The following APLP2 variants were observed in gnomAD, a reference collection of about 807,000 sequenced individuals.
APLP2 encodes CDEI box-binding protein.
In APLP2, 53 loss-of-function variants were observed where a neutral mutation model predicts 89.9. The ratio of observed to expected loss-of-function variants is 0.59; its 90% CI spans 0.47 to 0.74. The LOEUF (loss-of-function observed/expected upper bound fraction) is 0.74. Ranked by LOEUF, APLP2 falls within the 30% of genes least tolerant of loss-of-function variation. The pLI is 0.00. For missense variants in APLP2, 973 were observed against 975.9 expected, an observed-to-expected ratio of 1.00 and a Z score of 0.04; for synonymous variants, 372 against 348.6, an observed-to-expected ratio of 1.07 and a Z score of -0.75.
At chr11:130,137,038 T>G (rs1443648879) in intron 13 of APLP2, among the ~76,000 whole-genome samples, 1 of 152,150 alleles carries the variant, frequency 6.6e-6, no homozygotes, top group African/African-American at 2.4e-5. Flanking sequence ...CAGACCTACT[T>G]TTTTCTCTCT....
chr11:130,128,702 G>C (rs1368971565), intron 9 of APLP2, among the ~76,000 whole-genome samples: 1 of 152,228 alleles, frequency 6.6e-6, no homozygotes, highest in Non-Finnish European at 1.5e-5. Flanking sequence ...TTGGAAGTTA[G>C]TGCCTTGCTG....
At chr11:130,103,184 T>C (rs1947165295) in intron 1 of APLP2, among the ~76,000 whole-genome samples, 1 of 152,224 alleles carries the variant, frequency 6.6e-6, no homozygotes, top group African/African-American at 2.4e-5. Flanking sequence ...ATTTTCAAGG[T>C]AGAAGTACAA....
At chr11:130,091,035 C>T (rs866217019) in intron 1 of APLP2, among the ~76,000 whole-genome samples, 16 of 118,716 alleles carry the variant, frequency 1.3e-4, no homozygotes, top group African/African-American at 5.4e-4. Context: ...GCTGGCCGGG[C>T]GGGGGGCCGA....
At chr11:130,101,734 C>CAAAA (rs914140839) in intron 1 of APLP2, among the ~76,000 whole-genome samples, 1 of 152,210 alleles carries the variant, frequency 6.6e-6, no homozygotes, top group African/African-American at 2.4e-5. Flanking sequence ...AACCCTGTTT[C>CAAAA]CCTTAATGTT....
chr11:130,112,201 G>A (rs980920080), intron 3 of APLP2, among the ~76,000 whole-genome samples: 7 of 152,228 alleles, frequency 4.6e-5, no homozygotes, highest in African/African-American at 1.7e-4. Context: ...CAAGGGAAAT[G>A]TAATGACATC....
Position 130,123,567 on chromosome 11 carries a change from C to G in APLP2, c.923-45C>G, listed in dbSNP as rs539623328. ...GCCTGTAGCATTTTGAAGCATTTGA[C>G]GTCACTGCCTCTGTCCTGCTGACAC... On this transcript the variant is annotated intron_variant, in intron 6 of 16. Coordinates refer to ENST00000338167, the MANE Select transcript of APLP2 (RefSeq NM_001142276.2). This position sits in a 1 kb window ranked among gnomAD's most constrained non-coding sequence, Gnocchi z 4.0. The G allele has an allele frequency of 2.5e-6, 4 of 1,574,382 alleles. No individual in the cohort carries two copies. Among genetic ancestry groups the G allele is most frequent in the Non-Finnish European group, 3.5e-6 (4 of 1,158,018 alleles).
In APLP2 at chr11:130,141,896, TCCACG is replaced by T; in HGVS notation, c.1999-22_1999-18del. 6.3e-7 allele frequency: 1 copy of T among 1,583,950 alleles called. No individual in the cohort carries two copies. The highest frequency in any genetic ancestry group is 8.6e-7 in the Non-Finnish European group (1 of 1,157,988). On this transcript the variant is annotated intron_variant, in intron 15 of 16. Coordinates refer to ENST00000338167, the MANE Select transcript of APLP2 (RefSeq NM_001142276.2). This position sits in a 1 kb window ranked among gnomAD's most constrained non-coding sequence, Gnocchi z 4.2. The stretch of plus-strand genomic sequence containing the variant: ...TGCCAGATGGTCACTGGGACTTTTT[TCCACG>T]TCTGCTTTATTACGTAGGAATCCGT...
chr11:130,097,601 G>GTGGGAGGAT (rs1297255336), intron 1 of APLP2, among the ~76,000 whole-genome samples: 1 of 152,174 alleles, frequency 6.6e-6, no homozygotes, highest in East Asian at 1.9e-4. Flanking sequence ...TGGGGCTGAG[G>GTGGGAGGAT]TGGGAGGATT....
chr11:130,106,939 G>C (rs1280924048), intron 1 of APLP2, among the ~76,000 whole-genome samples: 1 of 152,120 alleles, frequency 6.6e-6, no homozygotes, highest in African/African-American at 2.4e-5. Context: ...TGCCTGCCTT[G>C]GCCTCCCAAA....
Position 130,123,891 on chromosome 11 carries a change from T to G in APLP2, c.1090+112T>G. 8.1e-7 allele frequency: 1 copy of G among 1,231,798 alleles called. No individual in the cohort carries two copies. The highest frequency in any genetic ancestry group is 1.4e-5 in the South Asian group (1 of 71,512). The allele number at this position is 1,231,798 out of a possible 1,614,324, so 76.3% of individuals were successfully genotyped here. On this transcript the variant is annotated intron_variant, in intron 7 of 16. Transcript: ENST00000338167. The surrounding 1 kb of genome is among the most constrained non-coding windows in gnomAD (Gnocchi z 4.0). ...TGGTGTCCCTGCCCACTCGGGTGTT[T>G]GCTGTCGGTCGTCTTCCCCTCATCT...
chr11:130,110,207 G>A (rs1380692645), intron 2 of APLP2, among the ~76,000 whole-genome samples: 2 of 152,156 alleles, frequency 1.3e-5, no homozygotes, highest in Non-Finnish European at 2.9e-5. Context: ...CTTGCCTCAC[G>A]GAGCCATCAG....
chr11:130,080,017 C>G (rs1006916869), intron 1 of APLP2, among the ~76,000 whole-genome samples: 1 of 152,078 alleles, frequency 6.6e-6, no homozygotes, highest in Non-Finnish European at 1.5e-5. Flanking sequence ...ATGTAGGAAA[C>G]TTTGCATTCC....
At chr11:130,133,376 C>T (rs767954420) in intron 11 of APLP2, among the ~76,000 whole-genome samples, 6 of 152,130 alleles carry the variant, frequency 3.9e-5, no homozygotes, top group Non-Finnish European at 8.8e-5. Context: ...TGCTGTCTCA[C>T]CCTCCCAAAG....
Position 130,143,348 on chromosome 11 carries a change from T to A in APLP2, c.2156T>A (p.Val719Asp). Residue 719 changes from valine to aspartate, a missense_variant and splice_region_variant, in exon 17 of 17, where the codon GTT becomes GAT. Coordinates refer to ENST00000338167, the MANE Select transcript of APLP2 (RefSeq NM_001142276.2). Reference sequence around the variant, plus strand: ...GACCCTCAGGTTTTGTTCTTCCAGGTTGATCCAATGCTCACCCCAGAAGAG... The same window carrying A: ...GACCCTCAGGTTTTGTTCTTCCAGGATGATCCAATGCTCACCCCAGAAGAG... ...YGTISHGIVEVDPMLTPEERH... is the reference protein window; with the variant it reads ...YGTISHGIVEDDPMLTPEERH... The A allele has an allele frequency of 6.2e-7, 1 of 1,613,812 alleles. No individual in the cohort carries two copies. The highest frequency in any genetic ancestry group is 8.5e-7 in the Non-Finnish European group (1 of 1,179,852).
Position 130,143,371 on chromosome 11 carries a change from G to A in APLP2, c.2179G>A (p.Glu727Lys), listed in dbSNP as rs1193836270. Residue 727 changes from glutamate (E) to lysine (K), a missense_variant, in exon 17 of 17, where the codon GAG becomes AAG. By Grantham distance (56) the Glu-to-Lys change is moderately conservative (BLOSUM62 1). Coordinates refer to ENST00000338167, the MANE Select transcript of APLP2 (RefSeq NM_001142276.2). ...GGTTGATCCAATGCTCACCCCAGAA[G>A]AGCGTCACCTGAACAAGATGCAGAA... is the stretch of plus-strand genomic sequence containing the variant. ...VEVDPMLTPE[E>K]RHLNKMQNHG... 6.2e-7 allele frequency: 1 copy of A among 1,614,132 alleles called. No individual in the cohort carries two copies. Among genetic ancestry groups the A allele is most frequent in the Admixed American group, 1.7e-5 (1 of 60,026 alleles).
chr11:130,121,159 T>C (rs1949774468), intron 4 of APLP2, among the ~76,000 whole-genome samples: 1 of 152,186 alleles, frequency 6.6e-6, no homozygotes, highest in Non-Finnish European at 1.5e-5. Context: ...TCTGGACATA[T>C]GCACAGGCAG....
chr11:130,093,160 C>T (rs941905835), intron 1 of APLP2, among the ~76,000 whole-genome samples: 1 of 152,166 alleles, frequency 6.6e-6, no homozygotes, highest in Non-Finnish European at 1.5e-5. Context: ...CTGAAGGATT[C>T]CTCCCTGGAG....
chr11:130,142,657 A>G (rs1201179704), intron 16 of APLP2, among the ~76,000 whole-genome samples: 1 of 152,152 alleles, frequency 6.6e-6, no homozygotes, highest in Non-Finnish European at 1.5e-5. Context: ...TGTGTCGCCC[A>G]GGCTGGAGTG....
intron 1 of APLP2, among the ~76,000 whole-genome samples, chr11:130,080,102 T>C (rs950622344): frequency 1.3e-5 from 2 of 152,266 alleles, no homozygotes; most frequent in African/African-American, 4.8e-5. Flanking sequence ...GCCTCTTTGC[T>C]AATAAGTGAG....
Sources: allele counts gnomAD v4.1 joint callset (sites outside exome capture counted in the v4.1 genomes callset), GRCh38; gene constraint gnomAD v4.1.1; non-coding constraint Gnocchi (gnomAD v3.1); transcripts MANE v1.5; gene names NCBI Gene and HGNC (gene_info 2026-07-23, HGNC 2026-07-21).